The following LRRC49 variants were observed in gnomAD, a reference collection of about 807,000 sequenced individuals.
LRRC49 encodes leucine-rich repeat-containing protein 49.
LRRC49 carries 50 observed loss-of-function variants against 83.3 expected under a neutral mutation model. The ratio of observed to expected loss-of-function variants is 0.60; its 90% CI spans 0.48 to 0.76. The LOEUF (loss-of-function observed/expected upper bound fraction) is 0.76, where lower values mean the gene tolerates loss of function less well. LRRC49 is among the 30% of genes least tolerant of loss of function. The pLI is 0.00. For missense variants in LRRC49, 704 were observed against 809.1 expected, an observed-to-expected ratio of 0.87 and a Z score of 1.58; for synonymous variants, 286 against 283.3, an observed-to-expected ratio of 1.01 and a Z score of -0.10.
intron 7 of LRRC49, among the ~76,000 whole-genome samples, chr15:70,922,650 G>A (rs1182985161): frequency 6.6e-6 from 1 of 151,976 alleles, no homozygotes; most frequent in Non-Finnish European, 1.5e-5. Context: ...TAAATTAATT[G>A]TGTATTTTAA....
chr15:70,854,758 C>T (rs182116344), intron 1 of LRRC49, among the ~76,000 whole-genome samples: 2 of 152,302 alleles, frequency 1.3e-5, no homozygotes, highest in African/African-American at 4.8e-5. Flanking sequence ...ATTGAATTCT[C>T]AGGGCTCATC....
At chr15:70,899,008 C>T (rs1277742641) in intron 3 of LRRC49, among the ~76,000 whole-genome samples, 6 of 152,126 alleles carry the variant, frequency 3.9e-5, no homozygotes, top group African/African-American at 1.4e-4. Context: ...TTACCCTAAT[C>T]ATTCTTATGT....
rs2039883317 is a variant in LRRC49 at position 71,047,368 on chromosome 15, G to A, written c.1858-2041G>A. Among the ~76,000 whole-genome samples the A allele has an allele frequency of 2.0e-5, 3 of 152,294 alleles. 1 individual carries two copies. The South Asian group carries it at 6.2e-4, about 32-fold the overall frequency. ...GTGTCATCTCTGATTTCTTTCAGCA[G>A]TATTTTGTAGTTCTCCTTGTAGAGG... is the stretch of plus-strand genomic sequence containing the variant. On this transcript the variant is annotated intron_variant, in intron 15 of 15. Coordinates refer to ENST00000260382, the MANE Select transcript of LRRC49 (RefSeq NM_017691.5).
Position 71,011,846 on chromosome 15 carries a change from T to C in LRRC49, c.1594-958T>C, listed in dbSNP as rs180884710. ...AATTATTGGTTTGTTTTAAAGAAAA[T>C]GCCTGTGAAGAGTATTACAGATAGT... On this transcript the variant is annotated intron_variant, in intron 13 of 15. Transcript: ENST00000260382. 4.1e-3 allele frequency among the ~76,000 whole-genome samples: 624 copies of C among 152,242 alleles called. 1 individual carries two copies. The highest frequency in any genetic ancestry group is 7.0e-3 in the Non-Finnish European group (476 of 68,006).
At chr15:71,036,376 C>T (rs2039519607) in intron 14 of LRRC49, among the ~76,000 whole-genome samples, 1 of 152,044 alleles carries the variant, frequency 6.6e-6, no homozygotes, top group Admixed American at 6.6e-5. Context: ...ATTTGCACTT[C>T]CTAAAAATCT....
intron 1 of LRRC49, among the ~76,000 whole-genome samples, chr15:70,865,499 T>C (rs1008019585): frequency 7.9e-5 from 12 of 152,238 alleles, no homozygotes; most frequent in African/African-American, 2.2e-4. Flanking sequence ...TTCATTATGC[T>C]TCAGAACAAA....
intron 5 of LRRC49, among the ~76,000 whole-genome samples, chr15:70,910,687 T>C (rs1474534923): frequency 1.3e-5 from 2 of 152,190 alleles, no homozygotes; most frequent in African/African-American, 4.8e-5. Context: ...AGGATCCTAT[T>C]ATGAATACCC....
intron 14 of LRRC49, among the ~76,000 whole-genome samples, chr15:71,034,481 T>C (rs984712515): frequency 2.6e-5 from 4 of 152,160 alleles, no homozygotes; most frequent in African/African-American, 9.7e-5. Context: ...GTGGTGACTC[T>C]TCAAAGACCT....
At chr15:70,979,825 A>G (rs555494373) in intron 9 of LRRC49, among the ~76,000 whole-genome samples, 3 of 152,266 alleles carry the variant, frequency 2.0e-5, no homozygotes. Context: ...ATGCAAACAT[A>G]CTTCTCCTTT....
At chr15:70,871,314 C>G (rs369315431) in intron 1 of LRRC49, among the ~76,000 whole-genome samples, 2 of 151,922 alleles carry the variant, frequency 1.3e-5, no homozygotes, top group Non-Finnish European at 2.9e-5. Flanking sequence ...AGAATTTTTC[C>G]TAGTACAGAA....
chr15:71,047,994 T>C (rs911638403), intron 15 of LRRC49, among the ~76,000 whole-genome samples: 29 of 151,932 alleles, frequency 1.9e-4, no homozygotes, highest in Admixed American at 1.3e-4. Context: ...CAGGCTAGTC[T>C]CGAACTCCTG....
intron 2 of LRRC49, chr15:70,882,226 G>C (rs1311991289): frequency 4.9e-6 from 2 of 407,150 alleles, no homozygotes; most frequent in Non-Finnish European, 8.7e-6. Context: ...CTACCAAAAG[G>C]ATTAAAAGAA....
chr15:70,917,842 A>C (rs1372302051), intron 6 of LRRC49, among the ~76,000 whole-genome samples: 1 of 152,138 alleles, frequency 6.6e-6, no homozygotes, highest in Admixed American at 6.5e-5. Context: ...GGACCCACAG[A>C]ATTTGGGACC....
chr15:70,925,917 C>G (rs912094591), intron 7 of LRRC49, among the ~76,000 whole-genome samples: 2 of 152,132 alleles, frequency 1.3e-5, no homozygotes, highest in East Asian at 3.9e-4. Context: ...ATTTCTATCA[C>G]CTCAGAAAGT....
chr15:70,921,503 A>G (rs189512118), intron 7 of LRRC49, among the ~76,000 whole-genome samples: 2 of 152,328 alleles, frequency 1.3e-5, no homozygotes, highest in African/African-American at 4.8e-5. Flanking sequence ...GCTGTTGAGT[A>G]GACAGATCTT....
intron 11 of LRRC49, 131 bp downstream of exon 11, chr15:70,984,388 A>T: frequency 1.3e-6 from 1 of 752,984 alleles, no homozygotes; most frequent in Non-Finnish European, 2.0e-6. Context: ...TTAGAAATTA[A>T]GATGGAAAAG....
At chr15:70,904,800 G>C (rs760703331) in intron 5 of LRRC49, 45 bp downstream of exon 5, 1 of 1,378,812 alleles carries the variant, frequency 7.3e-7, no homozygotes, top group East Asian at 2.3e-5. Flanking sequence ...TTATGTGTAG[G>C]ATTAATGTGG....
At chr15:70,926,382 G>A (rs2141141996) in intron 7 of LRRC49, among the ~76,000 whole-genome samples, 1 of 152,222 alleles carries the variant, frequency 6.6e-6, no homozygotes, top group South Asian at 2.1e-4. Context: ...CATGGCCATA[G>A]TTTTAAGTTT....
chr15:70,901,167 G>GT (rs1345505926), intron 4 of LRRC49, 143 bp downstream of exon 4: 3 of 537,100 alleles, frequency 5.6e-6, no homozygotes, highest in Non-Finnish European at 9.7e-6. Context: ...TTTTTAACCA[G>GT]TTTTTTGCTT....
Sources: gnomAD v4.1 joint callset for allele counts (sites outside exome capture counted in the v4.1 genomes callset) on GRCh38, gnomAD v4.1.1 for gene constraint, MANE v1.5 for transcripts, NCBI Gene and HGNC (gene_info 2026-07-23, HGNC 2026-07-21) for gene names.